Variants in CEP290 observed in about 807,000 individuals in gnomAD.
CEP290 encodes centrosomal protein 290.
CEP290 carries 317 observed loss-of-function variants against 344.9 expected under a neutral mutation model. The ratio of observed to expected loss-of-function variants is 0.92; its 90% CI spans 0.84 to 1.01. The LOEUF (loss-of-function observed/expected upper bound fraction) is 1.01. Among genes scored for constraint, CEP290 ranks in the 50% least tolerant of loss-of-function variants. The pLI is 0.00. For missense variants in CEP290, 2,754 were observed against 2,761.4 expected (o/e 1.00, Z 0.06); for synonymous variants, 932 against 895.8 (o/e 1.04, Z -0.72).
intron 22 of CEP290, among the ~76,000 whole-genome samples, 174 bp downstream of exon 22, chr12:88,111,028 A>G (rs746489270): frequency 3.2e-4 from 48 of 152,340 alleles, no homozygotes; most frequent in Non-Finnish European, 5.7e-4. Context: ...TACTATTTTG[A>G]GAACTCAGGA....
rs957547673 is a variant in CEP290, at chr12:88,114,365, G to A, written c.2052+55C>T. ...AAACTATGGAGATCTGTACACAGCA[G>A]AAAATCTCTCTAAAGTGATAGGGGA... On this transcript the variant is annotated intron_variant, in intron 20 of 53. Transcript: ENST00000552810. The A allele has an allele frequency of 7.8e-6, 11 of 1,406,570 alleles. No homozygotes were observed. The African/African-American group carries it at 1.3e-4, about 17-fold the overall frequency. 87.1% of individuals were successfully genotyped at this position (1,406,570 alleles called of 1,614,324 possible).
chr12:88,139,111 A>G (rs751855897), intron 5 of CEP290, 34 bp downstream of exon 5: 12 of 1,087,694 alleles, frequency 1.1e-5, no homozygotes, highest in Non-Finnish European at 1.6e-5. Flanking sequence ...AAAATTAATG[A>G]CAATTACATC....
At chr12:88,058,634 C>T in intron 49 of CEP290, 1 of 584,204 alleles carries the variant, frequency 1.7e-6, no homozygotes, top group Non-Finnish European at 3.0e-6. Context: ...GTTCCATGCC[C>T]TGCCACCCAA....
rs1315079699 is a variant in CEP290, at chr12:88,049,181, C to A, written c.*3G>T. On this transcript the variant is annotated 3_prime_UTR_variant, in exon 54 of 54. Transcript: ENST00000552810. ...TAAATGAAACAAAGTTTATAGGTGA[C>A]CTTTAGTAAATGGGGAAATTAACAG... 2 of 1,549,584 alleles carry A rather than the reference C, an allele frequency of 1.3e-6. No homozygotes were observed. Among genetic ancestry groups the A allele is most frequent in the Non-Finnish European group, 8.8e-7 (1 of 1,137,466 alleles).
chr12:88,084,045 TA>T (rs954805141), intron 35 of CEP290, 91 bp from the exon 36 acceptor site: 9 of 802,500 alleles, frequency 1.1e-5, no homozygotes, highest in African/African-American at 1.8e-5. Flanking sequence ...TTCAATCTTC[TA>T]AAATTCCTTT....
intron 17 of CEP290, among the ~76,000 whole-genome samples, chr12:88,117,489 G>A (rs577141926): frequency 5.9e-5 from 9 of 152,088 alleles, no homozygotes; most frequent in Admixed American, 4.6e-4. Flanking sequence ...AAATCATGAA[G>A]TTTTTTCTTG....
chr12:88,112,727 T>C (rs1415339887), intron 20 of CEP290, among the ~76,000 whole-genome samples: 3 of 152,046 alleles, frequency 2.0e-5, no homozygotes, highest in Non-Finnish European at 2.9e-5. Flanking sequence ...GGTTTAACTC[T>C]AGGTAGTAGA....
chr12:88,139,555 G>A lies in CEP290; in HGVS notation c.190C>T (p.Gln64Ter), dbSNP rs1166981120. The A allele has an allele frequency of 6.3e-7, 1 of 1,575,940 alleles. No individual in the cohort carries two copies. The highest frequency in any genetic ancestry group is 8.6e-7 in the Non-Finnish European group (1 of 1,162,326). ...ITQSLMKMKA[Q>*]EVELALEEVE... is the part of the protein sequence containing the mutation. ...TCTTCCAAAGCCAGCTCCACTTCTT[G>A]AGCTTTCATCTAAACATTAAAAAAA... The change falls in exon 4 of 54, where the codon CAA becomes TAA. Residue 64 changes from glutamine (Q) to a stop codon, truncating the protein, a stop_gained. Transcript: ENST00000552810. LOFTEE classifies it high-confidence loss of function.
Position 88,114,523 on chromosome 12 carries a change from C to T in CEP290, c.1949G>A (p.Gly650Asp). The T allele has an allele frequency of 6.5e-7, 1 of 1,540,814 alleles. No homozygotes were observed. Among genetic ancestry groups the T allele is most frequent in the Non-Finnish European group, 8.7e-7 (1 of 1,142,858 alleles). ...AATTGCTTGCAATATTTCTTTCATA[C>T]CTTCTTCAAGTTGCTTATTTTCTTC... is the stretch of plus-strand genomic sequence containing the variant. The part of the protein sequence containing the change: ...LVEENKQLEE[G>D]MKEILQAIKE... Residue 650 changes from glycine (G) to aspartate (D), a missense_variant, in exon 20 of 54, where the codon GGT becomes GAT. Physicochemically the swap from Gly to Asp is moderately conservative, Grantham distance 94. Transcript: ENST00000552810.
At chr12:88,095,046 T>A (rs986805238) in intron 27 of CEP290, among the ~76,000 whole-genome samples, 5 of 152,152 alleles carry the variant, frequency 3.3e-5, no homozygotes, top group African/African-American at 1.2e-4. Context: ...CAATAATGGA[T>A]CACTAACAGG....
In CEP290 at chr12:88,083,135, A is replaced by C. The variant is rs755025364; in HGVS notation, c.4908T>G (p.Ser1636=). ...TTAGTTTGACCAAGAGTGAGGAAAGAGAGTCATCTTGTTCTGCTACTGTCT... is the reference window on the plus strand; with the variant it reads ...TTAGTTTGACCAAGAGTGAGGAAAGCGAGTCATCTTGTTCTGCTACTGTCT... The part of the protein sequence containing the change: ...MEQTVAEQDD[S]LSSLLVKLKK... The change falls in exon 37 of 54, where the codon TCT becomes TCG. Residue 1636 remains serine (S), a synonymous_variant. Transcript: ENST00000552810. 9 of 1,554,276 alleles carry C rather than the reference A, an allele frequency of 5.8e-6. No homozygotes were observed. In the South Asian group the frequency reaches 1.1e-4, roughly 19 times the overall value.
Position 88,121,529 on chromosome 12 carries a change from G to T in CEP290, c.1190-363C>A, listed in dbSNP as rs189502749. ...TTGACACGTGGCCATTTGAAATAAA[G>T]AACTAAATTTCCACTTACACACAAG... On this transcript the variant is annotated intron_variant, in intron 13 of 53. Transcript: ENST00000552810. Among the ~76,000 whole-genome samples the T allele has an allele frequency of 2.0e-5, 3 of 146,908 alleles. No individual in the cohort carries two copies. In the East Asian group the frequency reaches 6.0e-4, roughly 29 times the overall value.
rs1592769139 is a variant in CEP290 at position 88,068,176 on chromosome 12, T to C, written c.6135+346A>G. On this transcript the variant is annotated intron_variant, in intron 44 of 53. Transcript: ENST00000552810. ...GTTTTTATAAGCTAAAAATATAGCA[T>C]AAATATTTGAATGAAAACAGTCTTG... Among the ~76,000 whole-genome samples, 3 of 152,172 alleles carry C rather than the reference T, an allele frequency of 2.0e-5. No homozygotes were observed. In the South Asian group the frequency reaches 6.2e-4, roughly 31 times the overall value.
At position 88,077,720 on chromosome 12, in the gene CEP290, T is replaced by C. The variant is rs534944172; in HGVS notation, c.5563A>G (p.Lys1855Glu). Residue 1855 changes from lysine (K) to glutamate (E), a missense_variant, in exon 40 of 54, where the codon AAA (lysine) becomes GAA (glutamate). Transcript: ENST00000552810. The stretch of plus-strand genomic sequence containing the variant: ...ACCTGTAATCCACTGGTTAGTCTTT[T>C]AATTTGCCTTTTCAGTTCATCATTC... ...QENDELKRQI[K>E]RLTSGLQGKP... The C allele has an allele frequency of 6.4e-7, 1 of 1,564,788 alleles. No individual in the cohort carries two copies. Among genetic ancestry groups the C allele is most frequent in the Non-Finnish European group, 8.6e-7 (1 of 1,156,706 alleles).
rs773578133 is a variant in CEP290 at position 88,121,157 on chromosome 12, G to C, written c.1199C>G (p.Thr400Ser). 6.2e-7 allele frequency: 1 copy of C among 1,611,494 alleles called. No homozygotes were observed. Residue 400 changes from threonine (T) to serine (S), a missense_variant, in exon 14 of 54, where the codon ACC (threonine) becomes AGC (serine). Coordinates refer to ENST00000552810, the MANE Select transcript of CEP290 (RefSeq NM_025114.4). ...NELQRNKGASTLSQQTHMKIQ... is the reference protein window; with the variant it reads ...NELQRNKGASSLSQQTHMKIQ... ...TTTCATATGAGTCTGTTGAGAAAGG[G>C]TTGAAGCACCTACAGAGTAAAAACA... is the stretch of plus-strand genomic sequence containing the variant.
chr12:88,088,044 T>C, intron 31 of CEP290, 100 bp from the exon 32 acceptor site: 1 of 438,542 alleles, frequency 2.3e-6, no homozygotes, highest in East Asian at 3.7e-5. Flanking sequence ...ATGGCCATTC[T>C]AAAATAAAAT....
Position 88,120,206 on chromosome 12 carries a change from C to T in CEP290, c.1430G>A (p.Arg477Gln), listed in dbSNP as rs748917889. The stretch of plus-strand genomic sequence containing the variant: ...TTCCTTTGTTAATATTTCAATCTCT[C>T]GATCTCTTATTTTAATTTGGTTTTT... The part of the protein sequence containing the change: ...NCKNQIKIRD[R>Q]EIEILTKEIN... Residue 477 changes from arginine to glutamine, a missense_variant, in exon 15 of 54, where the codon CGA becomes CAA. Transcript: ENST00000552810. 10 of 1,513,322 alleles carry T rather than the reference C, an allele frequency of 6.6e-6. No individual in the cohort carries two copies. The highest frequency in any genetic ancestry group is 2.6e-5 in the South Asian group (2 of 76,468). 93.7% of individuals were successfully genotyped at this position (1,513,322 alleles called of 1,614,324 possible).
rs1425613490 is a variant in CEP290 at position 88,111,844 on chromosome 12, C to A, written c.2067G>T (p.Lys689Asn). ...TCGCATCAAAGATTCCTTCTGCATTCTTTGATTCTATAGCCTAGCAAATTT... is the reference window on the plus strand; with the variant it reads ...TCGCATCAAAGATTCCTTCTGCATTATTTGATTCTATAGCCTAGCAAATTT... ...LERLVNAIESKNAEGIFDASL... is the reference protein window; with the variant it reads ...LERLVNAIESNNAEGIFDASL... The change falls in exon 21 of 54, where the codon AAG becomes AAT. Residue 689 changes from lysine (K) to asparagine (N), a missense_variant. Lys to Asn is a moderately conservative substitution (Grantham distance 94, BLOSUM62 0). Transcript: ENST00000552810. 1 of 1,592,018 alleles carries A rather than the reference C, an allele frequency of 6.3e-7. No homozygotes were observed.
intron 29 of CEP290, among the ~76,000 whole-genome samples, chr12:88,091,402 CA>C (rs11318141): frequency 0.83 from 116,016 of 138,958 alleles, 48,901 homozygotes; most frequent in East Asian, 0.95. Flanking sequence ...AATAAAATTA[CA>C]AAAAAAAAAA....
Sources: allele counts gnomAD v4.1 joint callset (sites outside exome capture counted in the v4.1 genomes callset), GRCh38; gene constraint gnomAD v4.1.1; transcripts MANE v1.5; gene names NCBI Gene and HGNC (gene_info 2026-07-23, HGNC 2026-07-21).